Variants in DTWD2 observed in about 807,000 individuals in gnomAD.
DTWD2 encodes the protein tRNA-uridine aminocarboxypropyltransferase 2.
In DTWD2, 39 loss-of-function variants were observed where a neutral mutation model predicts 31.8. The ratio of observed to expected loss-of-function variants is 1.22; its 90% CI spans 0.95 to 1.60. The LOEUF (loss-of-function observed/expected upper bound fraction) is 1.60. DTWD2 is among the 40% of genes most tolerant of loss of function. The pLI is 0.00. For missense variants in DTWD2, 515 were observed against 381.5 expected (o/e 1.35, Z -2.92); for synonymous variants, 180 against 142.8 (o/e 1.26, Z -1.86).
At chr5:118,973,642 AGCCTCCTTGCTCG>A (rs1755047692) in intron 1 of DTWD2, among the ~76,000 whole-genome samples, 3 of 149,164 alleles carry the variant, frequency 2.0e-5, no homozygotes, top group South Asian at 2.1e-4. Flanking sequence ...TGCTCGCGGC[AGCCTCCTTGCTCG>A]CGGCAGCCTC....
chr5:118,875,459 T>C (rs935356310), intron 4 of DTWD2, among the ~76,000 whole-genome samples: 1 of 147,632 alleles, frequency 6.8e-6, no homozygotes, highest in Non-Finnish European at 1.5e-5. Context: ...CAAGAGACCA[T>C]CTCACATGCA....
At chr5:118,964,979 C>A (rs1459307773) in intron 1 of DTWD2, among the ~76,000 whole-genome samples, 1 of 151,882 alleles carries the variant, frequency 6.6e-6, no homozygotes, top group Non-Finnish European at 1.5e-5. Context: ...GGCCGCCATC[C>A]CATCTACGAA....
chr5:118,939,385 A>C, intron 2 of DTWD2, 95 bp from the exon 3 acceptor site: 1 of 1,089,140 alleles, frequency 9.2e-7, no homozygotes, highest in Non-Finnish European at 1.2e-6. Context: ...AACTTTATGC[A>C]TAACTTTCAC....
intron 3 of DTWD2, among the ~76,000 whole-genome samples, chr5:118,930,576 C>T (rs996174142): frequency 1.3e-5 from 2 of 152,094 alleles, no homozygotes; most frequent in Admixed American, 6.5e-5. Flanking sequence ...TGAAATAGCC[C>T]GCAGCATTCT....
intron 1 of DTWD2, among the ~76,000 whole-genome samples, chr5:118,949,422 G>A (rs1322272543): frequency 1.3e-5 from 2 of 152,092 alleles, no homozygotes; most frequent in Non-Finnish European, 2.9e-5. Flanking sequence ...AGGTATTGAG[G>A]ACAAGAGTGT....
intron 4 of DTWD2, among the ~76,000 whole-genome samples, 184 bp from the exon 5 acceptor site, chr5:118,848,402 TAGA>T (rs1193801731): frequency 2.2e-4 from 34 of 152,296 alleles, no homozygotes; most frequent in Admixed American, 1.8e-3. Flanking sequence ...GATAGCTATA[TAGA>T]AGAAGACATA....
At chr5:118,973,856 A>C (rs1755059444) in intron 1 of DTWD2, 2 of 1,612,176 alleles carry the variant, frequency 1.2e-6, no homozygotes, top group South Asian at 2.2e-5. Flanking sequence ...ACAGGAGAAG[A>C]AGGAAGTTGT....
chr5:118,936,655 A>T (rs73239078), intron 3 of DTWD2, among the ~76,000 whole-genome samples: 3,824 of 151,846 alleles, frequency 0.025, 144 homozygotes, highest in African/African-American at 0.08. Context: ...TTTTTTTTTT[A>T]AATTTATGCT....
At chr5:118,941,753 C>G (rs956560309) in intron 2 of DTWD2, among the ~76,000 whole-genome samples, 46 of 152,234 alleles carry the variant, frequency 3.0e-4, no homozygotes, top group African/African-American at 1.0e-3. Context: ...GGAATCGCCA[C>G]ACAGACTTCC....
chr5:118,980,415 C>T (rs1755274919), intron 1 of DTWD2, among the ~76,000 whole-genome samples: 1 of 152,206 alleles, frequency 6.6e-6, no homozygotes, highest in African/African-American at 2.4e-5. Context: ...AGTCCTTTGT[C>T]TTTGGCCCAG....
At chr5:118,880,362 T>C (rs58737380) in intron 4 of DTWD2, among the ~76,000 whole-genome samples, 20,532 of 152,198 alleles carry the variant, frequency 0.13, 2,070 homozygotes, top group African/African-American at 0.28. Context: ...CGTGTAACAG[T>C]TGGGATTCCC....
intron 2 of DTWD2, 110 bp downstream of exon 2, chr5:118,944,449 A>C (rs1353253501): frequency 8.9e-7 from 1 of 1,128,840 alleles, no homozygotes; most frequent in Non-Finnish European, 1.3e-6. Context: ...TTTATCACCA[A>C]CTTCTTTTCA....
intron 4 of DTWD2, among the ~76,000 whole-genome samples, chr5:118,866,741 AC>A (rs1294068342): frequency 2.0e-5 from 3 of 152,026 alleles, no homozygotes; most frequent in Admixed American, 2.0e-4. Flanking sequence ...ACGTGGTGAA[AC>A]CCCATCTCTA....
At chr5:118,927,649 C>A (rs1753838896) in intron 4 of DTWD2, among the ~76,000 whole-genome samples, 1 of 151,984 alleles carries the variant, frequency 6.6e-6, no homozygotes, top group Admixed American at 6.5e-5. Flanking sequence ...AGAGATAATT[C>A]CCTAGAGAAA....
Position 118,953,037 on chromosome 5 carries a change from C to T in DTWD2, c.219-8388G>A, listed in dbSNP as rs1258382796. On this transcript the variant is annotated intron_variant, in intron 1 of 5. Coordinates refer to ENST00000510708, the MANE Select transcript of DTWD2 (RefSeq NM_173666.4). ...GAGTTTTCATTTAATTTTTGTATCC[C>T]CTAGTACAGTGATTCCCAAACTTTT... 2.0e-5 allele frequency among the ~76,000 whole-genome samples: 3 copies of T among 152,180 alleles called. No individual in the cohort carries two copies. In the East Asian group the frequency reaches 5.8e-4, roughly 29 times the overall value.
At chr5:118,966,669 T>C (rs1754857370) in intron 1 of DTWD2, among the ~76,000 whole-genome samples, 1 of 152,130 alleles carries the variant, frequency 6.6e-6, no homozygotes, top group Non-Finnish European at 1.5e-5. Context: ...TGATAAAAGT[T>C]ATCACTATCA....
chr5:118,957,773 G>C lies in DTWD2; in HGVS notation c.219-13124C>G, dbSNP rs1217512340. ...TCAAGTTTATTTGAATTGTGGACTT[G>C]CATCTTACTATCCTTAACAGGGAAT... On this transcript the variant is annotated intron_variant, in intron 1 of 5. Coordinates refer to ENST00000510708, the MANE Select transcript of DTWD2 (RefSeq NM_173666.4). Among the ~76,000 whole-genome samples, 3 of 152,124 alleles carry C rather than the reference G, an allele frequency of 2.0e-5. No homozygotes were observed. The East Asian group carries it at 5.8e-4, about 29-fold the overall frequency.
At chr5:118,849,855 A>T (rs1156576502) in intron 4 of DTWD2, among the ~76,000 whole-genome samples, 1 of 152,094 alleles carries the variant, frequency 6.6e-6, no homozygotes, top group Admixed American at 6.5e-5. Flanking sequence ...GGAGGGGAAC[A>T]TCACACACCA....
chr5:118,962,535 A>T (rs1227431843), intron 1 of DTWD2, among the ~76,000 whole-genome samples: 1 of 152,222 alleles, frequency 6.6e-6, no homozygotes, highest in Non-Finnish European at 1.5e-5. Flanking sequence ...TCCAAAAAAA[A>T]ATCCTAAAAG....
Sources: allele counts gnomAD v4.1 joint callset (sites outside exome capture counted in the v4.1 genomes callset), GRCh38; gene constraint gnomAD v4.1.1; transcripts MANE v1.5; gene names NCBI Gene and HGNC (gene_info 2026-07-23, HGNC 2026-07-21).